The following ANKRD12 variants were observed in gnomAD, a reference collection of about 807,000 sequenced individuals.
The protein encoded by ANKRD12 is ankyrin repeat domain 12.
In ANKRD12, 85 loss-of-function variants were observed where a neutral mutation model predicts 183.4. The observed-to-expected ratio is 0.46, with a 90% confidence interval of 0.39 to 0.56. The LOEUF is 0.56. ANKRD12 is among the 20% of genes least tolerant of loss of function. The pLI, the probability that ANKRD12 is intolerant of heterozygous loss-of-function variation, is 0.00. For missense variants in ANKRD12, 2,405 were observed against 2,357.1 expected, an observed-to-expected ratio of 1.02 and a Z score of -0.42; for synonymous variants, 914 against 800.2, an observed-to-expected ratio of 1.14 and a Z score of -2.40.
At chr18:9,166,721 A>T (rs2032109604) in intron 1 of ANKRD12, among the ~76,000 whole-genome samples, 1 of 151,936 alleles carries the variant, frequency 6.6e-6, no homozygotes, top group South Asian at 2.1e-4. Flanking sequence ...CTTTAGTTTA[A>T]TTAGATCCCA....
intron 2 of ANKRD12, among the ~76,000 whole-genome samples, chr18:9,192,544 A>C (rs1476309018): frequency 6.6e-6 from 1 of 152,128 alleles, no homozygotes; most frequent in Non-Finnish European, 1.5e-5. Context: ...TTCTAAAATG[A>C]ATTGGGTAAC....
At chr18:9,211,460 G>A (rs995007256) in intron 5 of ANKRD12, 124 bp from the exon 6 acceptor site, 14 of 814,582 alleles carry the variant, frequency 1.7e-5, no homozygotes, top group Non-Finnish European at 2.5e-5. Context: ...TCAAGGTTTA[G>A]GTTGTTAGGG....
In ANKRD12 at chr18:9,262,786, C is replaced by CTTTTTTTTTTTTTTTTTTTTTTTTTTTT. The variant is rs775877613; in HGVS notation, c.5665-1004_5665-1003insTTTTTTTTTTTTTTTTTTTTTTTTTTTT. On this transcript the variant is annotated intron_variant, in intron 9 of 12. Transcript: ENST00000262126. The stretch of plus-strand genomic sequence containing the variant: ...AGCCACCATGCCCAGCCAAGATGTC[C>CTTTTTTTTTTTTTTTTTTTTTTTTTTTT]CTTTTTTTTTTTTTTTTTTTTTTTT... Among the ~76,000 whole-genome samples the CTTTTTTTTTTTTTTTTTTTTTTTTTTTT allele has an allele frequency of 6.8e-5, 6 of 87,932 alleles. 3 individuals are homozygous for CTTTTTTTTTTTTTTTTTTTTTTTTTTTT. The allele number at this position is 87,932 out of a possible 152,430, so 57.7% of individuals were successfully genotyped here.
At chr18:9,226,228 A>G (rs1273845210) in intron 8 of ANKRD12, among the ~76,000 whole-genome samples, 3 of 152,142 alleles carry the variant, frequency 2.0e-5, no homozygotes, top group Non-Finnish European at 4.4e-5. Flanking sequence ...GTTCAAGACT[A>G]GCCTGGGCAA....
intron 10 of ANKRD12, among the ~76,000 whole-genome samples, chr18:9,271,565 C>T (rs1277025717): frequency 6.6e-6 from 1 of 151,992 alleles, no homozygotes; most frequent in African/African-American, 2.4e-5. Context: ...ACTGTGTTGC[C>T]CAGGCTGGTC....
intron 9 of ANKRD12, among the ~76,000 whole-genome samples, chr18:9,262,786 CCTTTTTTT>C (rs2039051812): frequency 1.1e-5 from 1 of 87,940 alleles, no homozygotes; most frequent in Non-Finnish European, 2.3e-5. Flanking sequence ...CCAAGATGTC[CCTTTTTTT>C]TTTTTTTTTT....
At chr18:9,279,450 C>T (rs1282790347) in intron 11 of ANKRD12, 99 bp from the exon 12 acceptor site, 7 of 712,698 alleles carry the variant, frequency 9.8e-6, no homozygotes, top group South Asian at 5.2e-5. Context: ...ATATTTTCAT[C>T]GTTACTAAGA....
At chr18:9,152,653 C>T (rs1198759020) in intron 1 of ANKRD12, among the ~76,000 whole-genome samples, 2 of 152,008 alleles carry the variant, frequency 1.3e-5, no homozygotes, top group African/African-American at 2.4e-5. Context: ...CTATTTACCA[C>T]ACTTAAAAAA....
intron 3 of ANKRD12, among the ~76,000 whole-genome samples, chr18:9,204,143 G>A (rs989510180): frequency 3.3e-5 from 5 of 152,162 alleles, no homozygotes; most frequent in Non-Finnish European, 7.3e-5. Flanking sequence ...CAGCGATAGA[G>A]TACTGGCTCT....
At chr18:9,159,048 C>T (rs2031018914) in intron 1 of ANKRD12, among the ~76,000 whole-genome samples, 1 of 152,046 alleles carries the variant, frequency 6.6e-6, no homozygotes, top group Non-Finnish European at 1.5e-5. Context: ...TGAGTACTTC[C>T]TTTCTGGGAG....
At chr18:9,242,324 A>G (rs1598663752) in intron 8 of ANKRD12, among the ~76,000 whole-genome samples, 1 of 152,184 alleles carries the variant, frequency 6.6e-6, no homozygotes, top group Admixed American at 6.5e-5. Flanking sequence ...ACCAGTGCCT[A>G]GCAACTTAAA....
intron 12 of ANKRD12, 46 bp downstream of exon 12, chr18:9,279,690 TAAAA>T (rs61228777): frequency 1.8e-5 from 15 of 824,384 alleles, no homozygotes; most frequent in Admixed American, 3.0e-5. Flanking sequence ...TCCCCCTTCT[TAAAA>T]AAAAAAAAAA....
intron 2 of ANKRD12, 124 bp from the exon 3 acceptor site, chr18:9,195,427 A>G (rs1004441633): frequency 7.3e-6 from 4 of 547,380 alleles, no homozygotes; most frequent in Non-Finnish European, 1.1e-5. Flanking sequence ...TCTTGAGTAC[A>G]TTGAATACAG....
chr18:9,149,500 A>G (rs2078607380), intron 1 of ANKRD12, among the ~76,000 whole-genome samples: 1 of 152,202 alleles, frequency 6.6e-6, no homozygotes, highest in Admixed American at 6.5e-5. Context: ...TGGAATGAAC[A>G]TCATTTTAAA....
intron 8 of ANKRD12, among the ~76,000 whole-genome samples, chr18:9,243,587 AG>A (rs112821599): frequency 3.9e-5 from 6 of 152,324 alleles, no homozygotes; most frequent in African/African-American, 1.4e-4. Context: ...CATAACAAAA[AG>A]CTGCAGTGAA....
chr18:9,197,620 G>A (rs554131700), intron 3 of ANKRD12, among the ~76,000 whole-genome samples: 1 of 151,628 alleles, frequency 6.6e-6, no homozygotes, highest in Non-Finnish European at 1.5e-5. Context: ...CTGAGATGAC[G>A]TGTTATATTA....
At chr18:9,154,408 T>C (rs1299180960) in intron 1 of ANKRD12, among the ~76,000 whole-genome samples, 1 of 152,122 alleles carries the variant, frequency 6.6e-6, no homozygotes, top group Non-Finnish European at 1.5e-5. Context: ...CGAGATCCTG[T>C]CTCAATAAAT....
chr18:9,149,816 G>A (rs1296173876), intron 1 of ANKRD12, among the ~76,000 whole-genome samples: 1 of 123,836 alleles, frequency 8.1e-6, no homozygotes, highest in African/African-American at 3.2e-5. Context: ...TTTTTTTTGA[G>A]ACGGAGTCTC....
At chr18:9,137,892 A>G (rs1014919549) in intron 1 of ANKRD12, 1 of 152,248 alleles carries the variant, frequency 6.6e-6, no homozygotes, top group African/African-American at 2.4e-5. Flanking sequence ...AGCTTAGCTG[A>G]CAGCTGTTTT....
Sources: allele counts gnomAD v4.1 joint callset (sites outside exome capture counted in the v4.1 genomes callset), GRCh38; gene constraint gnomAD v4.1.1; transcripts MANE v1.5; gene names NCBI Gene and HGNC (gene_info 2026-07-23, HGNC 2026-07-21).